BICRA: variants seen among roughly 807,000 people sequenced by gnomAD.
BICRA encodes the protein BRD4-interacting chromatin-remodeling complex-associated protein.
In BICRA, 31 loss-of-function variants were observed where a neutral mutation model predicts 96.9. That is an observed-to-expected ratio of 0.32 (90% CI 0.24 to 0.43). The LOEUF (loss-of-function observed/expected upper bound fraction) is 0.43, where lower values mean the gene tolerates loss of function less well. Among genes scored for constraint, BICRA ranks in the 20% least tolerant of loss-of-function variants. The pLI is 1.00. For missense variants in BICRA, 2,283 were observed against 2,190.3 expected (o/e 1.04, Z -0.84); for synonymous variants, 1,350 against 1,071.8 (o/e 1.26, Z -5.07).
At chr19:47,639,825 G>C (rs1373624803) in intron 1 of BICRA, among the ~76,000 whole-genome samples, 2 of 151,098 alleles carry the variant, frequency 1.3e-5, no homozygotes, top group African/African-American at 2.4e-5. Flanking sequence ...AATTTTTTTT[G>C]TAGAGATGGG....
intron 7 of BICRA, among the ~76,000 whole-genome samples, chr19:47,685,917 T>C (rs1016468335): frequency 2.4e-4 from 36 of 151,964 alleles, no homozygotes; most frequent in Admixed American, 3.3e-4. Flanking sequence ...CCTTTTTTTT[T>C]CCTTGACCCA....
intron 1 of BICRA, among the ~76,000 whole-genome samples, chr19:47,638,536 C>T (rs1321785129): frequency 6.6e-6 from 1 of 152,150 alleles, no homozygotes; most frequent in East Asian, 1.9e-4. Flanking sequence ...GATTTTTGGG[C>T]CTCCTTTCAA....
At chr19:47,612,569 A>G (rs779053008) in intron 1 of BICRA, among the ~76,000 whole-genome samples, 9 of 151,210 alleles carry the variant, frequency 6.0e-5, no homozygotes, top group Admixed American at 5.3e-4. Flanking sequence ...CTAGGCCCCT[A>G]CCCCTTCAGC....
In BICRA at chr19:47,649,087, G is replaced by A. The variant is rs139275228; in HGVS notation, c.-107-21356G>A. Among the ~76,000 whole-genome samples the A allele has an allele frequency of 4.4e-4, 67 of 152,172 alleles. No homozygotes were observed. The East Asian group carries it at 9.9e-3, about 22-fold the overall frequency. ...ATGATGGTCTCAATCTCCTGACCTT[G>A]TGATCTGCCTGCCTCGGCATCCCAA... On this transcript the variant is annotated intron_variant, in intron 1 of 14. Transcript: ENST00000594866.
intron 7 of BICRA, among the ~76,000 whole-genome samples, chr19:47,687,613 T>C (rs1452136580): frequency 6.6e-6 from 1 of 152,086 alleles, no homozygotes; most frequent in African/African-American, 2.4e-5. Context: ...CTGGCCAACA[T>C]GGGGAAACCC....
At chr19:47,639,300 G>T (rs958472545) in intron 1 of BICRA, among the ~76,000 whole-genome samples, 10 of 140,100 alleles carry the variant, frequency 7.1e-5, no homozygotes, top group Non-Finnish European at 1.4e-4. Flanking sequence ...GAGCCATGAT[G>T]CCTTGCACCC....
intron 1 of BICRA, among the ~76,000 whole-genome samples, chr19:47,612,751 C>T (rs1376977689): frequency 6.6e-6 from 1 of 151,966 alleles, no homozygotes. Flanking sequence ...GCATGTTCCA[C>T]GGCCGAGCTG....
chr19:47,696,693 C>T (rs1973348696), intron 11 of BICRA, among the ~76,000 whole-genome samples, 181 bp downstream of exon 11: 1 of 152,214 alleles, frequency 6.6e-6, no homozygotes, highest in Non-Finnish European at 1.5e-5. Context: ...ATGGGGTGAC[C>T]AGAGAGTGGT....
At position 47,694,892 on chromosome 19, in the gene BICRA, C is replaced by G. The variant is rs763729836; in HGVS notation, c.2896-8C>G. 6.6e-7 allele frequency: 1 copy of G among 1,506,024 alleles called. No individual in the cohort carries two copies. Among genetic ancestry groups the G allele is most frequent in the African/African-American group, 1.4e-5 (1 of 71,560 alleles). 93.3% of individuals were successfully genotyped at this position (1,506,024 alleles called of 1,614,324 possible). On this transcript the variant is annotated splice_region_variant and splice_polypyrimidine_tract_variant and intron_variant, in intron 8 of 14. Transcript: ENST00000594866. The stretch of plus-strand genomic sequence containing the variant: ...TCCCCACCCCTCATCCACCTGTCCC[C>G]TCCTCAGGTGCCGTCCGGAATCATC...
At chr19:47,619,143 C>T (rs1189050321) in intron 1 of BICRA, among the ~76,000 whole-genome samples, 1 of 151,560 alleles carries the variant, frequency 6.6e-6, no homozygotes, top group African/African-American at 2.4e-5. Context: ...CGGTGATCTC[C>T]TACTTTTGTG....
intron 1 of BICRA, among the ~76,000 whole-genome samples, chr19:47,609,701 C>T (rs924771487): frequency 5.9e-5 from 9 of 152,014 alleles, no homozygotes; most frequent in Non-Finnish European, 1.0e-4. Context: ...GATCTCCCGG[C>T]CGGAGGCGGA....
chr19:47,630,696 A>G (rs1214138976), intron 1 of BICRA, among the ~76,000 whole-genome samples: 2 of 151,958 alleles, frequency 1.3e-5, no homozygotes, highest in African/African-American at 4.8e-5. Flanking sequence ...CCTTTTTGCT[A>G]TTGTGAACGA....
Position 47,680,950 on chromosome 19 carries a change from G to T in BICRA, c.1780G>T (p.Ala594Ser). ...GGTCACCCTGCCCCCCAGCGCCGTG[G>T]CCATGCTCAACACCCCCGACGGCCT... ...QGVTLPPSAV[A>S]MLNTPDGLVQ... Residue 594 changes from alanine (A) to serine (S), a missense_variant, in exon 6 of 15, where the codon GCC (alanine) becomes TCC (serine). Physicochemically the swap from Ala to Ser is moderately conservative, Grantham distance 99. Coordinates refer to ENST00000594866, the MANE Select transcript of BICRA (RefSeq NM_001394372.1). The T allele has an allele frequency of 2.0e-6, 3 of 1,481,760 alleles. No homozygotes were observed. The South Asian group carries it at 3.9e-5, about 19-fold the overall frequency. The allele number at this position is 1,481,760 out of a possible 1,614,324, so 91.8% of individuals were successfully genotyped here.
intron 1 of BICRA, among the ~76,000 whole-genome samples, chr19:47,622,792 C>CA: frequency 6.7e-6 from 1 of 149,658 alleles, no homozygotes; most frequent in South Asian, 2.1e-4. Flanking sequence ...GTAATCCTAG[C>CA]ACTTTGGGAG....
At chr19:47,668,754 A>C (rs1289116072) in intron 1 of BICRA, among the ~76,000 whole-genome samples, 2 of 152,046 alleles carry the variant, frequency 1.3e-5, no homozygotes, top group African/African-American at 4.8e-5. Context: ...AGCATCCCAA[A>C]GTGCCAGGAT....
At position 47,702,126 on chromosome 19, in the gene BICRA, A is replaced by T. The variant is rs1973467864; in HGVS notation, c.4394A>T (p.Glu1465Val). 2 of 1,530,210 alleles carry T rather than the reference A, an allele frequency of 1.3e-6. No homozygotes were observed. The highest frequency in any genetic ancestry group is 2.0e-5 in the Admixed American group (1 of 49,808). 94.8% of individuals were successfully genotyped at this position (1,530,210 alleles called of 1,614,324 possible). A position where few individuals can be genotyped will look rare whatever the true frequency, so the allele number is the denominator to read the frequency against. The change falls in exon 15 of 15, where the codon GAG (glutamate) becomes GTG (valine). Residue 1465 changes from glutamate to valine, a missense_variant. Glu to Val is a moderately radical substitution (Grantham distance 121). Transcript: ENST00000594866. ...AAQGTGDPDW[E>V]APGLPPAKRR... ...CAAGGCACCGGGGACCCCGACTGGGAGGCGCCCGGGCTGCCCCCTGCCAAG... is the reference window on the plus strand; with the variant it reads ...CAAGGCACCGGGGACCCCGACTGGGTGGCGCCCGGGCTGCCCCCTGCCAAG...
At chr19:47,620,667 CAAAAAAAAAAA>C (rs10675281) in intron 1 of BICRA, among the ~76,000 whole-genome samples, 2 of 67,706 alleles carry the variant, frequency 3.0e-5, no homozygotes, top group South Asian at 6.8e-4. Context: ...GAGACTGTCT[CAAAAAAAAAAA>C]AAAAAAAAAA....
intron 1 of BICRA, among the ~76,000 whole-genome samples, chr19:47,618,641 G>A (rs575386923): frequency 4.3e-4 from 65 of 152,248 alleles, no homozygotes; most frequent in Middle Eastern, 3.4e-3. Flanking sequence ...CCTTTGAAGT[G>A]CTTGCCTGTT....
intron 10 of BICRA, among the ~76,000 whole-genome samples, chr19:47,695,938 A>G (rs941165686): frequency 6.6e-6 from 1 of 152,092 alleles, no homozygotes; most frequent in African/African-American, 2.4e-5. Flanking sequence ...TGGGGGAGAC[A>G]GAAGACAAGG....
Sources: allele counts gnomAD v4.1 joint callset (sites outside exome capture counted in the v4.1 genomes callset), GRCh38; gene constraint gnomAD v4.1.1; transcripts MANE v1.5; gene names NCBI Gene and HGNC (gene_info 2026-07-23, HGNC 2026-07-21).